CHL1: variants seen among roughly 807,000 people sequenced by gnomAD.
CHL1 encodes cell adhesion molecule L1 like.
In CHL1, 96 loss-of-function variants were observed where a neutral mutation model predicts 141.9. That is an observed-to-expected ratio of 0.68 (90% CI 0.57 to 0.80). The LOEUF is 0.80. Ranked by LOEUF, CHL1 falls within the 30% of genes least tolerant of loss-of-function variation. The pLI, the probability that CHL1 is intolerant of heterozygous loss-of-function variation, is 0.00. For synonymous variants in CHL1, 613 were observed against 502.2 expected (o/e 1.22, Z -2.95); for missense variants, 1,820 against 1,457.2 (o/e 1.25, Z -4.05).
rs1310057151 is a variant in CHL1 at position 354,855 on chromosome 3, G to GT, written c.1165+86dup. ...GATGGTCAGACGTGTGTAAAATGAA[G>GT]TTGGTATGTGGTTGGATTAGCAGGA... On this transcript the variant is annotated intron_variant, in intron 11 of 27. Transcript: ENST00000256509. 1.1e-5 allele frequency: 17 copies of GT among 1,533,550 alleles called. No homozygotes were observed. In the East Asian group the frequency reaches 3.6e-4, roughly 33 times the overall value. The allele number at this position is 1,533,550 out of a possible 1,614,324, so 95.0% of individuals were successfully genotyped here.
intron 2 of CHL1, among the ~76,000 whole-genome samples, chr3:268,337 C>A (rs1695333586): frequency 6.6e-6 from 1 of 152,010 alleles, no homozygotes; most frequent in African/African-American, 2.4e-5. Flanking sequence ...AGTTTGAGAG[C>A]AGTCTGGCTA....
At chr3:395,750 C>T (rs1013027345) in intron 24 of CHL1, among the ~76,000 whole-genome samples, 6 of 152,156 alleles carry the variant, frequency 3.9e-5, no homozygotes, top group African/African-American at 9.7e-5. Context: ...TGGCAAAGGC[C>T]GCACTTACTT....
intron 11 of CHL1, 22 bp from the exon 12 acceptor site, chr3:360,262 G>A (rs915687679): frequency 1.2e-6 from 2 of 1,612,494 alleles, no homozygotes. Context: ...TTATCAAACT[G>A]ACATTCTTTA....
At chr3:246,817 C>T (rs1693217380) in intron 2 of CHL1, 1 of 152,046 alleles carries the variant, frequency 6.6e-6, no homozygotes, top group African/African-American at 2.4e-5. Context: ...TCAATTATTG[C>T]TACATTTATG....
intron 2 of CHL1, among the ~76,000 whole-genome samples, chr3:255,056 G>A (rs427620): frequency 0.35 from 53,134 of 151,936 alleles, 10,604 homozygotes; most frequent in African/African-American, 0.54. Context: ...TTTGGGGCCC[G>A]TTTTTGCTGC....
chr3:315,395 T>C (rs1168768677), intron 2 of CHL1, among the ~76,000 whole-genome samples: 2 of 152,118 alleles, frequency 1.3e-5, no homozygotes, highest in Non-Finnish European at 2.9e-5. Flanking sequence ...AGCTTTGCAC[T>C]TACTTGGGAG....
chr3:400,900 CTTTTTTTTTT>C (rs71058770), intron 26 of CHL1, among the ~76,000 whole-genome samples: 3 of 112,460 alleles, frequency 2.7e-5, no homozygotes, highest in East Asian at 5.7e-4. Flanking sequence ...AAATGACTGC[CTTTTTTTTTT>C]TTTTTTTTTG....
intron 5 of CHL1, among the ~76,000 whole-genome samples, chr3:333,124 A>ATTTTTTTTTT (rs879790982): frequency 0.019 from 1,570 of 83,162 alleles, 401 homozygotes; most frequent in African/African-American, 0.063. Flanking sequence ...TAATTGCTCT[A>ATTTTTTTTTT]TTTTTTTTAT....
Position 283,920 on chromosome 3 carries a change from A to G in CHL1, c.-94-35763A>G, listed in dbSNP as rs77088369. Reference sequence around the variant, plus strand: ...TGTATGATTAAAATAAATGTTAACAATGACTAATAGTAGGGAATTTATCAG... The same window carrying G: ...TGTATGATTAAAATAAATGTTAACAGTGACTAATAGTAGGGAATTTATCAG... On this transcript the variant is annotated intron_variant, in intron 2 of 27. Coordinates refer to ENST00000256509, the MANE Select transcript of CHL1 (RefSeq NM_006614.4). Among the ~76,000 whole-genome samples the G allele has an allele frequency of 4.5e-3, 684 of 152,346 alleles. 6 individuals are homozygous for G. The highest frequency in any genetic ancestry group is 0.016 in the African/African-American group (653 of 41,570).
chr3:338,146 T>C (rs1245637683), intron 5 of CHL1, among the ~76,000 whole-genome samples: 1 of 152,148 alleles, frequency 6.6e-6, no homozygotes, highest in South Asian at 2.1e-4. Context: ...TTCTTGAAAT[T>C]CTGCTTAGCT....
chr3:405,535 C>A lies in CHL1; in HGVS notation c.3499C>A (p.Leu1167Ile). Residue 1167 changes from leucine (L) to isoleucine (I), a missense_variant, in exon 28 of 28, where the codon CTT becomes ATT. Leu to Ile is a conservative substitution (Grantham distance 5). Coordinates refer to ENST00000256509, the MANE Select transcript of CHL1 (RefSeq NM_006614.4). ...GCCTCTCAAAGGAAGCCTTCGGTCC[C>A]TTAATAGGGATATGCAGCCTACTGA... ...EKPLKGSLRS[L>I]NRDMQPTESA... 1.2e-6 allele frequency: 2 copies of A among 1,613,300 alleles called. No individual in the cohort carries two copies. Among genetic ancestry groups the A allele is most frequent in the East Asian group, 4.5e-5 (2 of 44,856 alleles).
intron 23 of CHL1, among the ~76,000 whole-genome samples, chr3:393,931 G>A (rs1483689285): frequency 1.3e-5 from 2 of 151,988 alleles, no homozygotes; most frequent in Non-Finnish European, 2.9e-5. Flanking sequence ...ATGGTATCTT[G>A]GACTGGGAGT....
intron 14 of CHL1, 65 bp from the exon 15 acceptor site, chr3:365,885 C>G: frequency 7.4e-7 from 1 of 1,342,720 alleles, no homozygotes; most frequent in Non-Finnish European, 1.0e-6. Context: ...ACTTAACTTG[C>G]AGGCACTTAA....
rs1559293111 is a variant in CHL1 at position 349,412 on chromosome 3, G to A, written c.902G>A (p.Arg301Lys). ...ATTGGTGGTGACTTACCAAAGGGGA[G>A]AGAAACAAAAGAAAATTATGGCAAG... ...NKIGGDLPKG[R>K]ETKENYGKTL... Residue 301 changes from arginine to lysine, a missense_variant, in exon 10 of 28, where the codon AGA becomes AAA. Arg to Lys is a conservative substitution (Grantham distance 26, BLOSUM62 2). Transcript: ENST00000256509. 1.2e-6 allele frequency: 2 copies of A among 1,613,830 alleles called. No individual in the cohort carries two copies. The highest frequency in any genetic ancestry group is 2.2e-5 in the East Asian group (1 of 44,888).
intron 2 of CHL1, among the ~76,000 whole-genome samples, chr3:298,376 C>G (rs893742605): frequency 1.3e-5 from 2 of 151,840 alleles, no homozygotes; most frequent in African/African-American, 4.8e-5. Flanking sequence ...CAGTATAGCT[C>G]GCAAATGCTT....
At chr3:382,050 C>T (rs964604713) in intron 16 of CHL1, 129 bp from the exon 17 acceptor site, 17 of 526,198 alleles carry the variant, frequency 3.2e-5, no homozygotes, top group African/African-American at 1.5e-4. Context: ...GGGTGGGGGG[C>T]GGGGGTGCTT....
chr3:202,652 C>T (rs759753879), intron 1 of CHL1, among the ~76,000 whole-genome samples: 6 of 152,106 alleles, frequency 3.9e-5, no homozygotes, highest in Non-Finnish European at 5.9e-5. Flanking sequence ...TTGCGTACGC[C>T]GTCCACAAGA....
intron 2 of CHL1, chr3:247,616 C>A (rs1322374017): frequency 6.6e-6 from 1 of 152,050 alleles, no homozygotes; most frequent in Non-Finnish European, 1.5e-5. Context: ...GAGATTGCCT[C>A]TCTGGATCCT....
chr3:389,993 A>G (rs1029429176), intron 20 of CHL1, among the ~76,000 whole-genome samples: 1 of 152,192 alleles, frequency 6.6e-6, no homozygotes, highest in Admixed American at 6.5e-5. Context: ...GAAGAAAAAA[A>G]CACTGCATTC....
Sources: gnomAD v4.1 joint callset for allele counts (sites outside exome capture counted in the v4.1 genomes callset) on GRCh38, gnomAD v4.1.1 for gene constraint, MANE v1.5 for transcripts, NCBI Gene and HGNC (gene_info 2026-07-23, HGNC 2026-07-21) for gene names.